Variants in PDAP1 observed in about 807,000 individuals in gnomAD.
The protein encoded by PDAP1 is 28 kDa heat- and acid-stable phosphoprotein.
A neutral mutation model predicts 28.0 loss-of-function variants in PDAP1; 13 were observed. That is an observed-to-expected ratio of 0.46 (90% CI 0.30 to 0.74). The LOEUF is 0.74. PDAP1 is among the 30% of genes least tolerant of loss of function. The pLI, the probability that PDAP1 is intolerant of heterozygous loss-of-function variation, is 0.07. For missense variants in PDAP1, 150 were observed against 230.0 expected, an observed-to-expected ratio of 0.65 and a Z score of 2.25; for synonymous variants, 77 against 85.1, an observed-to-expected ratio of 0.91 and a Z score of 0.52.
chr7:99,402,878 CAAAAA>C (rs543294031), intron 3 of PDAP1, among the ~76,000 whole-genome samples: 1 of 72,084 alleles, frequency 1.4e-5, no homozygotes, highest in Non-Finnish European at 2.9e-5. Flanking sequence ...CACTTCATCT[CAAAAA>C]AAAAAAAAAA....
chr7:99,401,354 GT>G, intron 3 of PDAP1, among the ~76,000 whole-genome samples: 1 of 151,262 alleles, frequency 6.6e-6, no homozygotes, highest in East Asian at 1.9e-4. Context: ...TTGAGACAGA[GT>G]TTCCCTCTTC....
intron 1 of PDAP1, chr7:99,406,722 T>G (rs1469310897): frequency 3.5e-5 from 19 of 538,938 alleles, no homozygotes; most frequent in Non-Finnish European, 4.5e-5. Context: ...TTCCATAGTC[T>G]GTCTCTGTGA....
intron 5 of PDAP1, 123 bp downstream of exon 5, chr7:99,397,739 C>T: frequency 8.1e-7 from 1 of 1,240,582 alleles, no homozygotes; most frequent in Non-Finnish European, 1.1e-6. Context: ...TGAACGACCT[C>T]CTAGGCAGCA....
At chr7:99,400,921 T>A (rs1479866544) in intron 3 of PDAP1, among the ~76,000 whole-genome samples, 1 of 152,102 alleles carries the variant, frequency 6.6e-6, no homozygotes, top group Non-Finnish European at 1.5e-5. Context: ...GATCACACAC[T>A]CTACAGGTTT....
chr7:99,398,107 G>C (rs1693793813), intron 4 of PDAP1, 94 bp from the exon 5 acceptor site: 1 of 1,423,444 alleles, frequency 7.0e-7, no homozygotes, highest in Non-Finnish European at 9.7e-7. Context: ...ATTCGGCCTA[G>C]GGCCGAGGTG....
intron 4 of PDAP1, among the ~76,000 whole-genome samples, chr7:99,399,278 A>G (rs1369547860): frequency 6.6e-6 from 1 of 152,182 alleles, no homozygotes; most frequent in Non-Finnish European, 1.5e-5. Context: ...CGCAGATCCT[A>G]GCTCAGGAGG....
chr7:99,399,352 ACT>A (rs373050533), intron 4 of PDAP1, among the ~76,000 whole-genome samples: 4 of 152,096 alleles, frequency 2.6e-5, no homozygotes, highest in African/African-American at 7.2e-5. Context: ...CAGCCCAAAG[ACT>A]CTGCAGGGCC....
chr7:99,408,137 C>T (rs534672511), intron 1 of PDAP1, among the ~76,000 whole-genome samples: 51 of 152,272 alleles, frequency 3.3e-4, no homozygotes, highest in African/African-American at 1.2e-3. Context: ...GCAGGCCTGG[C>T]TGAACCGAAG....
chr7:99,401,072 C>A (rs1267235188), intron 3 of PDAP1, among the ~76,000 whole-genome samples: 1 of 152,148 alleles, frequency 6.6e-6, no homozygotes, highest in Non-Finnish European at 1.5e-5. Flanking sequence ...CTTAAGGGGG[C>A]AGGGAGACAG....
At chr7:99,400,460 GGTCCTGTGGA>G in intron 3 of PDAP1, 36 bp from the exon 4 acceptor site, 1 of 1,613,104 alleles carries the variant, frequency 6.2e-7, no homozygotes, top group Non-Finnish European at 8.5e-7. Flanking sequence ...TTGGAGTTCA[GGTCCTGTGGA>G]GCCCCTGAGG....
Position 99,395,006 on chromosome 7 carries a change from A to G in PDAP1, c.*1676T>C. 1 of 259,958 alleles carries G rather than the reference A, an allele frequency of 3.8e-6. No individual in the cohort carries two copies. The highest frequency in any genetic ancestry group is 6.5e-6 in the Non-Finnish European group (1 of 154,588). The allele number at this position is 259,958 out of a possible 1,614,324, so 16.1% of individuals were successfully genotyped here. On this transcript the variant is annotated 3_prime_UTR_variant, in exon 6 of 6. Coordinates refer to ENST00000350498, the MANE Select transcript of PDAP1 (RefSeq NM_014891.7). ...TTTTTACTGCTTGCCAACAAAATTG[A>G]TCCTGAAGCCCAACGGCCTTATGCC...
intron 5 of PDAP1, among the ~76,000 whole-genome samples, 167 bp downstream of exon 5, chr7:99,397,694 AG>A (rs1283638708): frequency 6.6e-6 from 1 of 152,142 alleles, no homozygotes; most frequent in Non-Finnish European, 1.5e-5. Context: ...CTGGTCCCCG[AG>A]GGAGTGGCAG....
In PDAP1 at chr7:99,396,328, C is replaced by T. The variant is rs1002566018; in HGVS notation, c.*354G>A. On this transcript the variant is annotated 3_prime_UTR_variant, in exon 6 of 6. Transcript: ENST00000350498. ...CAGCAGCTGCCTCCTGGGACAACCACCCCCTTACATGCTATCTATCTACCA... is the reference window on the plus strand; with the variant it reads ...CAGCAGCTGCCTCCTGGGACAACCATCCCCTTACATGCTATCTATCTACCA... 1.4e-5 allele frequency: 5 copies of T among 353,530 alleles called. No homozygotes were observed. The highest frequency in any genetic ancestry group is 8.7e-5 in the Admixed American group (2 of 22,916). 21.9% of individuals were successfully genotyped at this position (353,530 alleles called of 1,614,324 possible). A position where few individuals can be genotyped will look rare whatever the true frequency, so the allele number is the denominator to read the frequency against.
rs1430730272 is a variant in PDAP1, at chr7:99,395,580, T to C, written c.*1102A>G. The C allele has an allele frequency of 6.6e-6, 1 of 152,310 alleles. No homozygotes were observed. The highest frequency in any genetic ancestry group is 2.4e-5 in the African/African-American group (1 of 41,472). 9.4% of individuals were successfully genotyped at this position (152,310 alleles called of 1,614,324 possible). On this transcript the variant is annotated 3_prime_UTR_variant, in exon 6 of 6. Coordinates refer to ENST00000350498, the MANE Select transcript of PDAP1 (RefSeq NM_014891.7). ...ACCAGGTCCTGTGCTGAAGGGCATT[T>C]GCACATCTTTTGTGGCTTCTCTCAG...
chr7:99,397,002 G>A (rs1794781561), intron 5 of PDAP1, among the ~76,000 whole-genome samples: 1 of 152,050 alleles, frequency 6.6e-6, no homozygotes, highest in South Asian at 2.1e-4. Context: ...ACTCTTGTGG[G>A]CAAACGGAAA....
intron 3 of PDAP1, 48 bp from the exon 4 acceptor site, chr7:99,400,472 C>T: frequency 6.2e-7 from 1 of 1,609,564 alleles, no homozygotes; most frequent in Non-Finnish European, 8.5e-7. Context: ...TCCTGTGGAG[C>T]CCCTGAGGGC....
chr7:99,406,702 C>T, intron 1 of PDAP1: 1 of 681,562 alleles, frequency 1.5e-6, no homozygotes, highest in Non-Finnish European at 1.8e-6. Context: ...GAAGCTGAGG[C>T]CCACCTGATT....
At chr7:99,400,649 C>T (rs969970639) in intron 3 of PDAP1, among the ~76,000 whole-genome samples, 1 of 152,164 alleles carries the variant, frequency 6.6e-6, no homozygotes, top group Non-Finnish European at 1.5e-5. Flanking sequence ...AATAACTTGC[C>T]CAAGTCAACC....
At position 99,408,592 on chromosome 7, in the gene PDAP1, G is replaced by A. The variant is rs1358509547; in HGVS notation, c.-44C>T. 2.1e-5 allele frequency: 26 copies of A among 1,236,984 alleles called. No homozygotes were observed. In the East Asian group the frequency reaches 8.7e-4, roughly 41 times the overall value. The allele number at this position is 1,236,984 out of a possible 1,614,324, so 76.6% of individuals were successfully genotyped here. A position where few individuals can be genotyped will look rare whatever the true frequency, so the allele number is the denominator to read the frequency against. On this transcript the variant is annotated 5_prime_UTR_variant, in exon 1 of 6. Transcript: ENST00000350498. The stretch of plus-strand genomic sequence containing the variant: ...GGCGGCGGCGGCGGCGCCTCGAACT[G>A]ACACCGGAACCGGAAATAGCTTGGG...
Sources: gnomAD v4.1 joint callset for allele counts (sites outside exome capture counted in the v4.1 genomes callset) on GRCh38, gnomAD v4.1.1 for gene constraint, MANE v1.5 for transcripts, NCBI Gene and HGNC (gene_info 2026-07-23, HGNC 2026-07-21) for gene names.